Variants in ATP8B3 observed in about 807,000 individuals in gnomAD.
ATP8B3 encodes the protein ATPase phospholipid transporting 8B3.
In ATP8B3, 141 loss-of-function variants were observed where a neutral mutation model predicts 140.9. The observed-to-expected ratio is 1.00, with a 90% CI of 0.87 to 1.15. ATP8B3 has a LOEUF of 1.15. ATP8B3 is among the 50% of genes most tolerant of loss of function. The pLI, the probability that ATP8B3 is intolerant of heterozygous loss-of-function variation, is 0.00. For synonymous variants in ATP8B3, 765 were observed against 714.6 expected (o/e 1.07, Z -1.13); for missense variants, 1,874 against 1,740.6 (o/e 1.08, Z -1.36).
chr19:1,785,801 A>C, intron 25 of ATP8B3, 93 bp from the exon 26 acceptor site: 1 of 1,359,980 alleles, frequency 7.4e-7, no homozygotes, highest in Admixed American at 2.3e-5. Context: ...TAGGGTGGCC[A>C]CTCTCTGTGT....
chr19:1,800,484 G>A lies in ATP8B3; in HGVS notation c.1153-35C>T, dbSNP rs1477952854. ...AGACGCGACAGGGTGGGTGAGGGGG[G>A]CGGGGGTCCCCCACTCTGCCATCAG... is the stretch of plus-strand genomic sequence containing the variant. On this transcript the variant is annotated intron_variant, in intron 12 of 28. Transcript: ENST00000310127. The surrounding 1 kb of genome is among the most constrained non-coding windows in gnomAD (Gnocchi z 4.4). 19 of 1,500,216 alleles carry A rather than the reference G, an allele frequency of 1.3e-5. No homozygotes were observed. The highest frequency in any genetic ancestry group is 1.8e-5 in the Non-Finnish European group (19 of 1,085,524). The allele number at this position is 1,500,216 out of a possible 1,614,324, so 92.9% of individuals were successfully genotyped here. A position where few individuals can be genotyped will look rare whatever the true frequency, so the allele number is the denominator to read the frequency against.
At chr19:1,795,476 G>A (rs537175216) in intron 18 of ATP8B3, among the ~76,000 whole-genome samples, 4 of 152,142 alleles carry the variant, frequency 2.6e-5, no homozygotes, top group Non-Finnish European at 2.9e-5. Flanking sequence ...ACTTGAACCC[G>A]GGAGGCGGAG....
chr19:1,808,448 T>C (rs2069094272), intron 4 of ATP8B3, 113 bp from the exon 5 acceptor site: 1 of 595,318 alleles, frequency 1.7e-6, no homozygotes, highest in Admixed American at 2.8e-5. Context: ...CTCTGGGCTA[T>C]GGGACACACA....
chr19:1,803,595 G>T (rs1002913315), intron 10 of ATP8B3, among the ~76,000 whole-genome samples: 3 of 152,178 alleles, frequency 2.0e-5, no homozygotes, highest in African/African-American at 7.2e-5. Context: ...CTGTGTCCCA[G>T]TGGTGTTAAA....
At chr19:1,811,259 G>A (rs537539416) in intron 2 of ATP8B3, among the ~76,000 whole-genome samples, 1 of 152,240 alleles carries the variant, frequency 6.6e-6, no homozygotes, top group East Asian at 1.9e-4. Flanking sequence ...GGGGGCGATG[G>A]AGGCAGACGG....
Position 1,805,817 on chromosome 19 carries a change from C to CT in ATP8B3, c.821+70dup. 6.3e-7 allele frequency: 1 copy of CT among 1,584,886 alleles called. No individual in the cohort carries two copies. The highest frequency in any genetic ancestry group is 1.1e-5 in the South Asian group (1 of 89,996). On this transcript the variant is annotated intron_variant, in intron 9 of 28. Coordinates refer to ENST00000310127, the MANE Select transcript of ATP8B3 (RefSeq NM_138813.4). The surrounding 1 kb of genome is among the most constrained non-coding windows in gnomAD (Gnocchi z 5.2). ...CCTTGGCTGGCCGCCTCCTTGGTGA[C>CT]TGGGGAAGGGGGCTCCTCCGGGCCA...
chr19:1,793,474 C>A (rs547930574), intron 18 of ATP8B3, among the ~76,000 whole-genome samples: 1 of 152,298 alleles, frequency 6.6e-6, no homozygotes, highest in Admixed American at 6.5e-5. Flanking sequence ...CCAGCTGGGG[C>A]TCCCCCAGTC....
rs117843346 is a variant in ATP8B3, at chr19:1,807,821, G to A, written c.516+401C>T. Among the ~76,000 whole-genome samples, 74 of 152,392 alleles carry A rather than the reference G, an allele frequency of 4.9e-4. 2 individuals are homozygous for A. The East Asian group carries it at 0.013, about 27-fold the overall frequency. On this transcript the variant is annotated intron_variant, in intron 5 of 28. Transcript: ENST00000310127. This position sits in a 1 kb window ranked among gnomAD's most constrained non-coding sequence, Gnocchi z 5.9. Reference sequence around the variant, plus strand: ...CGCTGGCCTGGACCACCCAGGTACCGGGAAGTGGCTCCACAGGTCCTGAGA... The same window carrying A: ...CGCTGGCCTGGACCACCCAGGTACCAGGAAGTGGCTCCACAGGTCCTGAGA...
rs1043494511 is a variant in ATP8B3 at position 1,806,436 on chromosome 19, C to T, written c.677+192G>A. The T allele has an allele frequency of 3.7e-5, 53 of 1,448,706 alleles. No individual in the cohort carries two copies. The highest frequency in any genetic ancestry group is 2.6e-4 in the Admixed American group (10 of 37,944). 89.7% of individuals were successfully genotyped at this position (1,448,706 alleles called of 1,614,324 possible). A position where few individuals can be genotyped will look rare whatever the true frequency, so the allele number is the denominator to read the frequency against. On this transcript the variant is annotated intron_variant, in intron 7 of 28. Transcript: ENST00000310127. The surrounding 1 kb of genome is among the most constrained non-coding windows in gnomAD (Gnocchi z 5.6). ...CCGAGCCCTAAGCTCTGCAAGGGTT[C>T]GCCATCAGGGCCTCGGCCTCTGTCC...
At chr19:1,797,783 G>C (rs1219543568) in intron 14 of ATP8B3, among the ~76,000 whole-genome samples, 3 of 151,484 alleles carry the variant, frequency 2.0e-5, no homozygotes, top group Non-Finnish European at 4.4e-5. Flanking sequence ...TACAGGCGTA[G>C]CCACCGCACC....
Position 1,796,096 on chromosome 19 carries a change from G to A in ATP8B3, c.1923C>T (p.Arg641=), listed in dbSNP as rs776617268. 2 of 1,612,978 alleles carry A rather than the reference G, an allele frequency of 1.2e-6. No individual in the cohort carries two copies. Among genetic ancestry groups the A allele is most frequent in the South Asian group, 1.1e-5 (1 of 91,086 alleles). The change falls in exon 17 of 29, where the codon CGC becomes CGT. Residue 641 remains arginine, a synonymous_variant. Coordinates refer to ENST00000310127, the MANE Select transcript of ATP8B3 (RefSeq NM_138813.4). ...VLAIMDFNST[R]KRMSVLVRKP... is the part of the protein sequence containing the mutation. ...GCTCACCCAGCACCGACATCCGTTT[G>A]CGCGTGCTGTTGAAGTCCATTATGG...
chr19:1,802,448 C>A (rs376618740), intron 11 of ATP8B3, 39 bp downstream of exon 11: 2 of 1,343,002 alleles, frequency 1.5e-6, no homozygotes, highest in Admixed American at 2.1e-5. Flanking sequence ...ACGCTCCCAT[C>A]AGTACAGCTC....
rs144250590 is a variant in ATP8B3, at chr19:1,784,670, G to A, written c.3660+149C>T. On this transcript the variant is annotated intron_variant, in intron 28 of 28. Transcript: ENST00000310127. Reference sequence around the variant, plus strand: ...CCCCGGGGGCACTGGGCGTGTGTCCGGGGCTCCGCACCCACCCTTCCCCCA... The same window carrying A: ...CCCCGGGGGCACTGGGCGTGTGTCCAGGGCTCCGCACCCACCCTTCCCCCA... The A allele has an allele frequency of 1.2e-4, 132 of 1,140,898 alleles. No individual in the cohort carries two copies. In the East Asian group the frequency reaches 3.4e-3, roughly 29 times the overall value. 70.7% of individuals were successfully genotyped at this position (1,140,898 alleles called of 1,614,324 possible).
At chr19:1,802,349 C>A (rs1437129776) in intron 11 of ATP8B3, 138 bp downstream of exon 11, 4 of 579,666 alleles carry the variant, frequency 6.9e-6, no homozygotes, top group Non-Finnish European at 1.1e-5. Flanking sequence ...ACCCATCTGC[C>A]CATCTATTTG....
intron 4 of ATP8B3, among the ~76,000 whole-genome samples, chr19:1,808,984 C>T (rs2145209894): frequency 6.6e-6 from 1 of 152,072 alleles, no homozygotes; most frequent in African/African-American, 2.4e-5. Flanking sequence ...ACCAGCCTGG[C>T]CAACATGACA....
At chr19:1,784,749 C>A in intron 28 of ATP8B3, 70 bp downstream of exon 28, 1 of 1,501,826 alleles carries the variant, frequency 6.7e-7, no homozygotes, top group Non-Finnish European at 8.9e-7. Flanking sequence ...AGTCCCTACG[C>A]CCTGCACGGC....
At chr19:1,791,622 A>G in intron 20 of ATP8B3, 128 bp downstream of exon 20, 1 of 684,084 alleles carries the variant, frequency 1.5e-6, no homozygotes, top group South Asian at 1.7e-5. Flanking sequence ...CGAACTTCTG[A>G]CCTCAAGTGA....
intron 26 of ATP8B3, 33 bp downstream of exon 26, chr19:1,785,436 C>G: frequency 6.2e-7 from 1 of 1,605,310 alleles, no homozygotes; most frequent in Non-Finnish European, 8.5e-7. Flanking sequence ...TAGGCCATGT[C>G]CAAGGCCCCG....
chr19:1,797,468 TTTTA>T (rs5826746), intron 14 of ATP8B3, among the ~76,000 whole-genome samples: 4,702 of 142,368 alleles, frequency 0.033, 102 homozygotes, highest in Non-Finnish European at 0.043. Flanking sequence ...TCTTTTTTAT[TTTTA>T]TTTATTTATT....
Sources: gnomAD v4.1 joint callset for allele counts (sites outside exome capture counted in the v4.1 genomes callset) on GRCh38, gnomAD v4.1.1 for gene constraint, Gnocchi (gnomAD v3.1) non-coding constraint, MANE v1.5 for transcripts, NCBI Gene and HGNC (gene_info 2026-07-23, HGNC 2026-07-21) for gene names.